Variants in TOMM70 observed in about 807,000 individuals in gnomAD.
TOMM70 encodes translocase of outer mitochondrial membrane 70.
Under a neutral mutation model 73.6 loss-of-function variants are expected in TOMM70, and 13 were observed. The ratio of observed to expected loss-of-function variants is 0.18; its 90% CI spans 0.11 to 0.28. The LOEUF (loss-of-function observed/expected upper bound fraction) is 0.28, where lower values mean the gene tolerates loss of function less well. TOMM70 is among the 10% of genes least tolerant of loss of function. The pLI is 1.00. For synonymous variants in TOMM70, 257 were observed against 271.2 expected (o/e 0.95, Z 0.51); for missense variants, 609 against 747.5 (o/e 0.81, Z 2.16).
At position 100,369,220 on chromosome 3, in the gene TOMM70, T is replaced by C. The variant is rs1008397056; in HGVS notation, c.1453-85A>G. On this transcript the variant is annotated intron_variant, in intron 9 of 11. Coordinates refer to ENST00000284320, the MANE Select transcript of TOMM70 (RefSeq NM_014820.5). Reference sequence around the variant, plus strand: ...ATACTTATTATTCATTATAAAAATTTACTTCATTCATTATTACAAAATTAT... The same window carrying C: ...ATACTTATTATTCATTATAAAAATTCACTTCATTCATTATTACAAAATTAT... 4 of 919,542 alleles carry C rather than the reference T, an allele frequency of 4.3e-6. No homozygotes were observed. The African/African-American group carries it at 6.9e-5, about 16-fold the overall frequency. 57.0% of individuals were successfully genotyped at this position (919,542 alleles called of 1,614,324 possible).
chr3:100,388,791 G>C (rs1485360193), intron 1 of TOMM70, among the ~76,000 whole-genome samples: 1 of 152,032 alleles, frequency 6.6e-6, no homozygotes, highest in Non-Finnish European at 1.5e-5. Context: ...CTTTTAAAGA[G>C]CACTAATTAG....
chr3:100,379,330 A>G lies in TOMM70; in HGVS notation c.885-1418T>C, dbSNP rs561442281. On this transcript the variant is annotated intron_variant, in intron 5 of 11. Transcript: ENST00000284320. ...ATAAAGAAAACTGGCAAATGACTTA[A>G]AAGTTACGTCAGGCCAGACATGGTG... Among the ~76,000 whole-genome samples, 24 of 152,316 alleles carry G rather than the reference A, an allele frequency of 1.6e-4. No individual in the cohort carries two copies. In the South Asian group the frequency reaches 5.0e-3, roughly 32 times the overall value.
Position 100,363,494 on chromosome 3 carries a change from T to A in TOMM70, c.*2070A>T, listed in dbSNP as rs1706416566. 1 of 152,640 alleles carries A rather than the reference T, an allele frequency of 6.6e-6. No homozygotes were observed. Among genetic ancestry groups the A allele is most frequent in the Non-Finnish European group, 1.5e-5 (1 of 68,034 alleles). 9.5% of individuals were successfully genotyped at this position (152,640 alleles called of 1,614,324 possible). A position where few individuals can be genotyped will look rare whatever the true frequency, so the allele number is the denominator to read the frequency against. ...GTAATATTTATTTGGTGAATTTACA[T>A]GTGAGGTCATTTACAAAAGAAAGAT... is the stretch of plus-strand genomic sequence containing the variant. On this transcript the variant is annotated 3_prime_UTR_variant, in exon 12 of 12. Coordinates refer to ENST00000284320, the MANE Select transcript of TOMM70 (RefSeq NM_014820.5).
chr3:100,392,947 T>C (rs923564848), intron 1 of TOMM70, among the ~76,000 whole-genome samples: 1 of 151,180 alleles, frequency 6.6e-6, no homozygotes, highest in Non-Finnish European at 1.5e-5. Context: ...GAGGCAGAGG[T>C]GGGTGGGTCA....
chr3:100,397,972 G>GGAAAAGT (rs1339391976), intron 1 of TOMM70, among the ~76,000 whole-genome samples: 1 of 151,192 alleles, frequency 6.6e-6, no homozygotes, highest in African/African-American at 2.4e-5. Context: ...CAGACAACGT[G>GGAAAAGT]GAAAAGAGGA....
chr3:100,378,939 G>A (rs571533940), intron 5 of TOMM70, among the ~76,000 whole-genome samples: 54 of 152,240 alleles, frequency 3.5e-4, no homozygotes, highest in Non-Finnish European at 6.0e-4. Flanking sequence ...CCCGGGAGGC[G>A]GAGCTTGCAG....
intron 5 of TOMM70, among the ~76,000 whole-genome samples, chr3:100,378,980 T>C (rs913943690): frequency 6.6e-6 from 1 of 151,864 alleles, no homozygotes; most frequent in East Asian, 1.9e-4. Context: ...ACACTCCAGC[T>C]TGGGCGACAG....
chr3:100,369,306 G>A (rs1706483201), intron 9 of TOMM70, among the ~76,000 whole-genome samples, 171 bp from the exon 10 acceptor site: 1 of 152,128 alleles, frequency 6.6e-6, no homozygotes, highest in Non-Finnish European at 1.5e-5. Context: ...GTTTTTAGGT[G>A]GCACTGCTAT....
intron 4 of TOMM70, among the ~76,000 whole-genome samples, chr3:100,382,978 TATTTTGTG>T (rs1358931598): frequency 6.6e-6 from 1 of 152,132 alleles, no homozygotes; most frequent in Non-Finnish European, 1.5e-5. Flanking sequence ...ATATGGAAGG[TATTTTGTG>T]ATTTACAAAG....
Position 100,400,797 on chromosome 3 carries a change from C to T in TOMM70, c.153G>A (p.Leu51=), listed in dbSNP as rs1438812518. ...TCCACAGGTATATGGCACCCGCGCC[C>T]AGCAGCAGGGGTGCCCCGACCGCCA... ...LALAVGAPLL[L]GAGAIYLWSR... The change falls in exon 1 of 12, where the codon CTG becomes CTA. Residue 51 remains leucine (L), a synonymous_variant. Transcript: ENST00000284320. 3 of 1,542,460 alleles carry T rather than the reference C, an allele frequency of 1.9e-6. No homozygotes were observed. The highest frequency in any genetic ancestry group is 2.6e-6 in the Non-Finnish European group (3 of 1,151,946).
At chr3:100,393,886 G>A (rs1285233584) in intron 1 of TOMM70, among the ~76,000 whole-genome samples, 3 of 152,070 alleles carry the variant, frequency 2.0e-5, no homozygotes, top group Non-Finnish European at 4.4e-5. Context: ...CTCCAGGAAG[G>A]AAAAATAACC....
chr3:100,400,481 G>A (rs941319873), intron 1 of TOMM70, 145 bp downstream of exon 1: 2 of 864,944 alleles, frequency 2.3e-6, no homozygotes, highest in South Asian at 3.1e-5. Flanking sequence ...TCCACTGGCA[G>A]CCAGAAATGA....
intron 1 of TOMM70, among the ~76,000 whole-genome samples, chr3:100,397,254 T>C: frequency 6.6e-6 from 1 of 152,316 alleles, no homozygotes. Flanking sequence ...CAATTACTGA[T>C]CAATTAATTA....
chr3:100,367,065 C>T (rs1235327167), intron 11 of TOMM70, among the ~76,000 whole-genome samples: 1 of 152,108 alleles, frequency 6.6e-6, no homozygotes, highest in Non-Finnish European at 1.5e-5. Flanking sequence ...GCTACAAATA[C>T]AAAAAGTTAG....
Position 100,363,922 on chromosome 3 carries a change from A to G in TOMM70, c.*1642T>C, listed in dbSNP as rs565148512. The G allele has an allele frequency of 6.6e-6, 1 of 152,320 alleles. No homozygotes were observed. The highest frequency in any genetic ancestry group is 2.4e-5 in the African/African-American group (1 of 41,578). The allele number at this position is 152,320 out of a possible 1,614,324, so 9.4% of individuals were successfully genotyped here. ...ACTTTGAAAGGGAGTCATTTCTAAT[A>G]GTTTCTAAAAAAGATAGCATTTGTA... On this transcript the variant is annotated 3_prime_UTR_variant, in exon 12 of 12. Transcript: ENST00000284320.
At chr3:100,365,855 T>C in intron 11 of TOMM70, 138 bp from the exon 12 acceptor site, 2 of 974,682 alleles carry the variant, frequency 2.1e-6, no homozygotes, top group Non-Finnish European at 3.0e-6. Flanking sequence ...TGATGCTACA[T>C]GAAGTCTGAC....
At chr3:100,383,525 A>AC (rs201286286) in intron 4 of TOMM70, among the ~76,000 whole-genome samples, 4,323 of 150,636 alleles carry the variant, frequency 0.029, 74 homozygotes, top group East Asian at 0.078. Flanking sequence ...AAACAAACAA[A>AC]AAAAAAAAAA....
Position 100,365,562 on chromosome 3 carries a change from T to G in TOMM70, c.*2A>C, listed in dbSNP as rs1316870123. The G allele has an allele frequency of 6.2e-7, 1 of 1,614,174 alleles. No individual in the cohort carries two copies. Among genetic ancestry groups the G allele is most frequent in the Non-Finnish European group, 8.5e-7 (1 of 1,179,996 alleles). On this transcript the variant is annotated 3_prime_UTR_variant, in exon 12 of 12. Transcript: ENST00000284320. ...AGAGGGTCAGTCTGCTTTCCCCCTG[T>G]TTTATAATGTTGGTGGTTTTAATCC...
At chr3:100,399,737 T>G (rs1365125198) in intron 1 of TOMM70, among the ~76,000 whole-genome samples, 2 of 137,782 alleles carry the variant, frequency 1.5e-5, no homozygotes, top group Non-Finnish European at 3.0e-5. Flanking sequence ...CACTCCCATT[T>G]TTTTTTTTTT....
Sources: gnomAD v4.1 joint callset for allele counts (sites outside exome capture counted in the v4.1 genomes callset) on GRCh38, gnomAD v4.1.1 for gene constraint, MANE v1.5 for transcripts, NCBI Gene and HGNC (gene_info 2026-07-23, HGNC 2026-07-21) for gene names.